KDM4C: variants seen among roughly 807,000 people sequenced by gnomAD.
The protein encoded by KDM4C is lysine-specific demethylase 4C.
KDM4C carries 81 observed loss-of-function variants against 129.3 expected under a neutral mutation model. The ratio of observed to expected loss-of-function variants is 0.63; its 90% CI spans 0.52 to 0.75. The LOEUF is 0.75. Among genes scored for constraint, KDM4C ranks in the 30% least tolerant of loss-of-function variants. KDM4C has a pLI of 0.00. For missense variants in KDM4C, 1,457 were observed against 1,304.0 expected, an observed-to-expected ratio of 1.12 and a Z score of -1.81; for synonymous variants, 573 against 456.1, an observed-to-expected ratio of 1.26 and a Z score of -3.26.
intron 21 of KDM4C, among the ~76,000 whole-genome samples, chr9:7,173,674 C>T (rs1013487365): frequency 1.8e-4 from 27 of 152,152 alleles, no homozygotes; most frequent in African/African-American, 5.8e-4. Context: ...GTCTACAGTG[C>T]CTTTAGGTTT....
At chr9:7,141,141 G>GT (rs902562528) in intron 19 of KDM4C, among the ~76,000 whole-genome samples, 33 of 152,064 alleles carry the variant, frequency 2.2e-4, no homozygotes, top group East Asian at 3.9e-4. Flanking sequence ...TATGAAGTAG[G>GT]TTTTTTTTGG....
At chr9:6,911,099 T>C (rs1410036850) in intron 8 of KDM4C, among the ~76,000 whole-genome samples, 5 of 152,156 alleles carry the variant, frequency 3.3e-5, no homozygotes, top group Admixed American at 3.3e-4. Flanking sequence ...CAACCAGTTA[T>C]CACATGTGCA....
chr9:6,992,780 C>G (rs1427805825), intron 12 of KDM4C, among the ~76,000 whole-genome samples: 1 of 152,200 alleles, frequency 6.6e-6, no homozygotes, highest in Non-Finnish European at 1.5e-5. Context: ...TCCTTTTGCA[C>G]TCCTCATACG....
At chr9:7,048,401 G>T (rs1272845483) in intron 16 of KDM4C, among the ~76,000 whole-genome samples, 1 of 151,932 alleles carries the variant, frequency 6.6e-6, no homozygotes, top group East Asian at 1.9e-4. Flanking sequence ...ATTCTTTCAA[G>T]ATCTCTTCAA....
chr9:6,813,252 C>T (rs997779955), intron 3 of KDM4C, among the ~76,000 whole-genome samples: 1 of 152,256 alleles, frequency 6.6e-6, no homozygotes, highest in Admixed American at 6.5e-5. Context: ...CCTAGGCAGA[C>T]CTTGAACTCC....
chr9:6,934,409 G>A (rs1254577916), intron 8 of KDM4C, among the ~76,000 whole-genome samples: 4 of 151,474 alleles, frequency 2.6e-5, no homozygotes, highest in Admixed American at 2.6e-4. Context: ...GAACCCGGGA[G>A]GCGGAGCTTG....
chr9:7,038,975 A>T (rs1208592680), intron 15 of KDM4C, among the ~76,000 whole-genome samples: 2 of 151,836 alleles, frequency 1.3e-5, no homozygotes, highest in African/African-American at 4.8e-5. Context: ...TGATATATGT[A>T]TTGGGAGTAT....
chr9:7,103,628 G>T (rs1837350367), intron 17 of KDM4C, 57 bp from the exon 18 acceptor site: 1 of 1,343,522 alleles, frequency 7.4e-7, no homozygotes, highest in South Asian at 1.2e-5. Context: ...GTAAATTGTG[G>T]GAACTGACTG....
intron 6 of KDM4C, among the ~76,000 whole-genome samples, chr9:6,882,970 T>C (rs1216936322): frequency 6.6e-6 from 1 of 152,186 alleles, no homozygotes; most frequent in African/African-American, 2.4e-5. Context: ...AGTGGACTCT[T>C]TGAAATTATA....
At chr9:6,800,519 A>G (rs1429217688) in intron 2 of KDM4C, among the ~76,000 whole-genome samples, 1 of 152,306 alleles carries the variant, frequency 6.6e-6, no homozygotes, top group East Asian at 1.9e-4. Context: ...AGCCTGGGCA[A>G]CAGAGTCCCT....
At chr9:7,098,767 C>T (rs535796913) in intron 17 of KDM4C, among the ~76,000 whole-genome samples, 2 of 152,292 alleles carry the variant, frequency 1.3e-5, no homozygotes, top group Non-Finnish European at 2.9e-5. Context: ...TTGTTCCATT[C>T]TGCATTTTAT....
chr9:6,985,057 A>AC (rs956615617), intron 10 of KDM4C, among the ~76,000 whole-genome samples: 2 of 151,112 alleles, frequency 1.3e-5, no homozygotes, highest in African/African-American at 4.9e-5. Flanking sequence ...TCCTCATGGG[A>AC]TTCCCCCCTC....
intron 4 of KDM4C, among the ~76,000 whole-genome samples, chr9:6,832,744 G>A (rs1357099508): frequency 1.8e-5 from 2 of 110,194 alleles, no homozygotes; most frequent in Non-Finnish European, 3.7e-5. Context: ...TTTTTTTTAC[G>A]GAGATGGAGT....
At chr9:6,782,625 C>T (rs1824609011) in intron 1 of KDM4C, among the ~76,000 whole-genome samples, 1 of 152,036 alleles carries the variant, frequency 6.6e-6, no homozygotes, top group Non-Finnish European at 1.5e-5. Context: ...CCTTTGGGAA[C>T]ATCGAGTGGT....
chr9:6,781,346 T>C (rs891267702), intron 1 of KDM4C, among the ~76,000 whole-genome samples: 1 of 152,176 alleles, frequency 6.6e-6, no homozygotes, highest in Non-Finnish European at 1.5e-5. Context: ...GGTCAGAACA[T>C]TTTCATCAAC....
intron 4 of KDM4C, among the ~76,000 whole-genome samples, chr9:6,823,875 G>A (rs569211616): frequency 1.1e-4 from 17 of 152,172 alleles, no homozygotes; most frequent in Non-Finnish European, 2.2e-4. Flanking sequence ...GGCTTCTGTA[G>A]GTCTCATATG....
intron 17 of KDM4C, among the ~76,000 whole-genome samples, chr9:7,083,224 T>A (rs911510691): frequency 7.2e-5 from 11 of 152,226 alleles, no homozygotes; most frequent in Admixed American, 4.6e-4. Context: ...TTGTAATACT[T>A]GCATTATATA....
At chr9:6,870,600 T>G (rs1041374073) in intron 5 of KDM4C, among the ~76,000 whole-genome samples, 1 of 152,046 alleles carries the variant, frequency 6.6e-6, no homozygotes, top group African/African-American at 2.4e-5. Context: ...GGTCAGTTCT[T>G]CTTTTTCACT....
intron 8 of KDM4C, among the ~76,000 whole-genome samples, chr9:6,901,988 G>T (rs2130984263): frequency 6.6e-6 from 1 of 152,272 alleles, no homozygotes; most frequent in Admixed American, 6.5e-5. Flanking sequence ...ACAAACATTT[G>T]CATTTCTGAA....
Sources: gnomAD v4.1 joint callset for allele counts (sites outside exome capture counted in the v4.1 genomes callset) on GRCh38, gnomAD v4.1.1 for gene constraint, MANE v1.5 for transcripts, NCBI Gene and HGNC (gene_info 2026-07-23, HGNC 2026-07-21) for gene names.